The following ARHGAP6 variants were observed in gnomAD, a reference collection of about 807,000 sequenced individuals.
ARHGAP6 encodes the protein Rho GTPase activating protein 6.
ARHGAP6 carries 16 observed loss-of-function variants against 55.7 expected under a neutral mutation model. The observed-to-expected ratio is 0.29, with a 90% CI of 0.19 to 0.44. The LOEUF (loss-of-function observed/expected upper bound fraction) is 0.44, where lower values mean the gene tolerates loss of function less well. Among genes scored for constraint, ARHGAP6 ranks in the 20% least tolerant of loss-of-function variants. The probability of loss-of-function intolerance (pLI) is 1.00; values close to 1 mark genes in which losing one functional copy is unlikely to be tolerated. For synonymous variants in ARHGAP6, 382 were observed against 360.9 expected (o/e 1.06, Z -0.66); for missense variants, 698 against 808.9 (o/e 0.86, Z 1.66).
At chrX:11,556,983 A>C (rs958109181) in intron 1 of ARHGAP6, among the ~76,000 whole-genome samples, 3 of 111,890 alleles carry the variant, frequency 2.7e-5, no homozygotes, top group Non-Finnish European at 5.6e-5. Flanking sequence ...CTACCACAAC[A>C]ATCAAATTTC....
intron 1 of ARHGAP6, among the ~76,000 whole-genome samples, chrX:11,469,988 A>T (rs1323070966): frequency 9.0e-6 from 1 of 111,417 alleles, no homozygotes; most frequent in Non-Finnish European, 1.9e-5. Context: ...TGAATAGAAC[A>T]TCAGTGCAGA....
At chrX:11,371,444 A>G (rs189929561) in intron 1 of ARHGAP6, among the ~76,000 whole-genome samples, 23 of 112,379 alleles carry the variant, frequency 2.0e-4, no homozygotes, top group Middle Eastern at 4.6e-3. Context: ...GGTCTTAACT[A>G]AAAGACCATG....
At chrX:11,165,835 C>A (rs779219306) in intron 9 of ARHGAP6, among the ~76,000 whole-genome samples, 5 of 111,322 alleles carry the variant, frequency 4.5e-5, no homozygotes, top group Non-Finnish European at 9.4e-5. Context: ...TGGGCCCCAT[C>A]CCAGTGCTAC....
At chrX:11,564,593 T>C (rs1043408649) in intron 1 of ARHGAP6, among the ~76,000 whole-genome samples, 1 of 111,573 alleles carries the variant, frequency 9.0e-6, no homozygotes, top group African/African-American at 3.3e-5. Flanking sequence ...ATTATGAATA[T>C]AAAAAGACTA....
intron 1 of ARHGAP6, among the ~76,000 whole-genome samples, chrX:11,575,018 A>G (rs2051579811): frequency 8.9e-6 from 1 of 112,342 alleles, no homozygotes; most frequent in Non-Finnish European, 1.9e-5. Flanking sequence ...GAAGACAGAG[A>G]TGGCTCACTG....
intron 1 of ARHGAP6, among the ~76,000 whole-genome samples, chrX:11,518,831 G>C (rs1455584974): frequency 5.7e-5 from 4 of 70,697 alleles, no homozygotes; most frequent in Middle Eastern, 9.9e-3. Flanking sequence ...TCCCCTTCCT[G>C]TGTCCATGTG....
chrX:11,440,989 G>A (rs2147797548), intron 1 of ARHGAP6, among the ~76,000 whole-genome samples: 1 of 111,914 alleles, frequency 8.9e-6, no homozygotes, highest in South Asian at 3.8e-4. Flanking sequence ...TTAGGACACT[G>A]TGATGTAGTA....
chrX:11,478,185 C>T (rs767396848), intron 1 of ARHGAP6, among the ~76,000 whole-genome samples: 1 of 111,528 alleles, frequency 9.0e-6, no homozygotes, highest in South Asian at 3.8e-4. Flanking sequence ...AATTCCACTC[C>T]TAGCTTTATA....
At chrX:11,325,504 T>C (rs2048487097) in intron 1 of ARHGAP6, among the ~76,000 whole-genome samples, 1 of 112,319 alleles carries the variant, frequency 8.9e-6, no homozygotes, top group African/African-American at 3.2e-5. Context: ...ATCAAATTAT[T>C]GTATCATAAT....
chrX:11,354,325 C>CTATATATATATA (rs1221987760), intron 1 of ARHGAP6, among the ~76,000 whole-genome samples: 5 of 47,567 alleles, frequency 1.1e-4, no homozygotes, highest in African/African-American at 1.7e-4. Context: ...CTCTCTCTCT[C>CTATATATATATA]TCTATATATA....
chrX:11,402,448 C>G (rs1056259611), intron 1 of ARHGAP6, among the ~76,000 whole-genome samples: 4 of 110,645 alleles, frequency 3.6e-5, no homozygotes, highest in African/African-American at 1.3e-4. Context: ...GTTCTGCTCT[C>G]TTGATCTCAC....
intron 1 of ARHGAP6, among the ~76,000 whole-genome samples, chrX:11,451,921 C>A (rs1480329661): frequency 8.9e-6 from 1 of 112,070 alleles, no homozygotes; most frequent in Non-Finnish European, 1.9e-5. Flanking sequence ...ACAAAAGAAA[C>A]TCATGCAAAA....
chrX:11,442,972 T>C (rs1181853026), intron 1 of ARHGAP6, among the ~76,000 whole-genome samples: 1 of 112,181 alleles, frequency 8.9e-6, no homozygotes, highest in African/African-American at 3.2e-5. Flanking sequence ...TTTGAAACTC[T>C]TTATTGAAAT....
chrX:11,190,209 G>C (rs765506573), intron 3 of ARHGAP6, among the ~76,000 whole-genome samples: 3 of 111,872 alleles, frequency 2.7e-5, no homozygotes, highest in Non-Finnish European at 5.6e-5. Flanking sequence ...ATCAAAGCAT[G>C]CAATTTGTTT....
chrX:11,240,977 C>T (rs1330408031), intron 2 of ARHGAP6, among the ~76,000 whole-genome samples: 6 of 105,475 alleles, frequency 5.7e-5, no homozygotes, highest in African/African-American at 2.1e-4. Context: ...GCAGGGGGAT[C>T]GCCTGAGCCT....
intron 2 of ARHGAP6, among the ~76,000 whole-genome samples, chrX:11,231,748 A>C (rs913069074): frequency 1.8e-5 from 2 of 112,303 alleles, no homozygotes; most frequent in Admixed American, 9.4e-5. Context: ...AAATTGAGCC[A>C]GGCCGCACAT....
At chrX:11,459,332 T>C (rs780300234) in intron 1 of ARHGAP6, among the ~76,000 whole-genome samples, 1 of 111,517 alleles carries the variant, frequency 9.0e-6, no homozygotes, top group Non-Finnish European at 1.9e-5. Context: ...AGGCAGAAAT[T>C]AGTAAATTGC....
At chrX:11,249,214 T>C (rs1395075234) in intron 2 of ARHGAP6, among the ~76,000 whole-genome samples, 1 of 111,294 alleles carries the variant, frequency 9.0e-6, no homozygotes, top group East Asian at 2.8e-4. Context: ...AGGTGGGAGC[T>C]AAGCTATGAG....
intron 1 of ARHGAP6, among the ~76,000 whole-genome samples, chrX:11,467,289 A>C (rs1603221259): frequency 9.1e-6 from 1 of 110,474 alleles, no homozygotes; most frequent in Non-Finnish European, 1.9e-5. Context: ...ATATTTAAAA[A>C]TTAGCTGGAT....
Sources: allele counts gnomAD v4.1 joint callset (sites outside exome capture counted in the v4.1 genomes callset), GRCh38; gene constraint gnomAD v4.1.1; transcripts MANE v1.5; gene names NCBI Gene and HGNC (gene_info 2026-07-23, HGNC 2026-07-21).